The following EFNB2 variants were observed in gnomAD, a reference collection of about 807,000 sequenced individuals.
EFNB2 encodes the protein ephrin-B2.
A neutral mutation model predicts 32.1 loss-of-function variants in EFNB2; 5 were observed. That is an observed-to-expected ratio of 0.16 (90% CI 0.08 to 0.33). EFNB2 has a LOEUF of 0.33. Ranked by LOEUF, EFNB2 falls within the 10% of genes least tolerant of loss-of-function variation. The probability of loss-of-function intolerance (pLI) is 1.00; values close to 1 mark genes in which losing one functional copy is unlikely to be tolerated. For synonymous variants in EFNB2, 168 were observed against 166.5 expected (o/e 1.01, Z -0.07); for missense variants, 263 against 422.6 (o/e 0.62, Z 3.31).
intron 1 of EFNB2, among the ~76,000 whole-genome samples, chr13:106,527,678 G>A (rs900349707): frequency 1.3e-5 from 2 of 152,174 alleles, no homozygotes; most frequent in African/African-American, 4.8e-5. Flanking sequence ...AAATAGGTTC[G>A]CCTGGCATTC....
At chr13:106,529,566 A>T (rs1217928759) in intron 1 of EFNB2, among the ~76,000 whole-genome samples, 1 of 152,206 alleles carries the variant, frequency 6.6e-6, no homozygotes, top group Non-Finnish European at 1.5e-5. Flanking sequence ...CCAGTTTCCA[A>T]GTCTGTGTGG....
chr13:106,523,444 A>T (rs998043779), intron 1 of EFNB2, among the ~76,000 whole-genome samples: 2 of 152,222 alleles, frequency 1.3e-5, no homozygotes, highest in African/African-American at 4.8e-5. Context: ...TCAAACAAGC[A>T]GCTACTGAGA....
chr13:106,494,070 A>T (rs1423988954), intron 4 of EFNB2, among the ~76,000 whole-genome samples: 1 of 152,244 alleles, frequency 6.6e-6, no homozygotes, highest in Admixed American at 6.5e-5. Flanking sequence ...TGGCATCATT[A>T]TATTATCCAT....
chr13:106,533,862 G>A (rs1402299153), intron 1 of EFNB2, among the ~76,000 whole-genome samples: 1 of 152,148 alleles, frequency 6.6e-6, no homozygotes, highest in Non-Finnish European at 1.5e-5. Context: ...ACACAGTACT[G>A]AATACCCAGA....
chr13:106,522,305 G>T (rs1166533998), intron 1 of EFNB2, among the ~76,000 whole-genome samples: 5 of 152,192 alleles, frequency 3.3e-5, no homozygotes, highest in African/African-American at 2.4e-5. Context: ...ACTGTAATTT[G>T]TGTGCACCTG....
At chr13:106,503,494 C>G in intron 2 of EFNB2, among the ~76,000 whole-genome samples, 1 of 152,154 alleles carries the variant, frequency 6.6e-6, no homozygotes, top group Non-Finnish European at 1.5e-5. Flanking sequence ...CTATGAGGAA[C>G]AGCTGAGCCC....
intron 2 of EFNB2, among the ~76,000 whole-genome samples, chr13:106,503,472 G>T (rs912056301): frequency 4.6e-5 from 7 of 152,164 alleles, no homozygotes; most frequent in Non-Finnish European, 1.0e-4. Flanking sequence ...AATGTGGAGA[G>T]TCATTCCTTG....
chr13:106,500,044 G>A (rs1211923134), intron 2 of EFNB2, among the ~76,000 whole-genome samples: 3 of 152,126 alleles, frequency 2.0e-5, no homozygotes, highest in African/African-American at 7.2e-5. Flanking sequence ...CTTAGTCACT[G>A]GGAAGAGTAT....
chr13:106,534,687 C>A (rs1320669004), intron 1 of EFNB2, among the ~76,000 whole-genome samples, 156 bp downstream of exon 1: 1 of 151,398 alleles, frequency 6.6e-6, no homozygotes, highest in Admixed American at 6.6e-5. Flanking sequence ...CGAGGAGTCT[C>A]CACCTAGTGA....
At chr13:106,517,488 A>G (rs906646759) in intron 1 of EFNB2, 1 of 152,060 alleles carries the variant, frequency 6.6e-6, no homozygotes, top group African/African-American at 2.4e-5. Flanking sequence ...TCCATCCCTG[A>G]GCGAAGTCAG....
chr13:106,514,035 A>C (rs1178481218), intron 1 of EFNB2, among the ~76,000 whole-genome samples: 1 of 152,180 alleles, frequency 6.6e-6, no homozygotes, highest in Non-Finnish European at 1.5e-5. Flanking sequence ...GCAGCACAAA[A>C]CATAACAGAA....
intron 1 of EFNB2, among the ~76,000 whole-genome samples, chr13:106,525,086 G>C (rs1431819320): frequency 1.3e-5 from 2 of 152,212 alleles, no homozygotes; most frequent in African/African-American, 4.8e-5. Flanking sequence ...ACTGGTGTTT[G>C]ATTGATTGGT....
rs1168243842 is a variant in EFNB2 at position 106,489,872 on chromosome 13, AC to A, written c.*3167del. On this transcript the variant is annotated 3_prime_UTR_variant, in exon 5 of 5. Coordinates refer to ENST00000646441, the MANE Select transcript of EFNB2 (RefSeq NM_004093.4). ...AATGTGAAACTAAAGCAGATTTAAA[AC>A]CTATGACAGGCTATTAAAATAAAAC... The A allele has an allele frequency of 6.6e-6, 1 of 152,620 alleles. No homozygotes were observed. The highest frequency in any genetic ancestry group is 1.9e-4 in the East Asian group (1 of 5,194). The allele number at this position is 152,620 out of a possible 1,614,324, so 9.5% of individuals were successfully genotyped here. A position where few individuals can be genotyped will look rare whatever the true frequency, so the allele number is the denominator to read the frequency against.
chr13:106,515,225 A>C (rs929614827), intron 1 of EFNB2, among the ~76,000 whole-genome samples: 1 of 152,194 alleles, frequency 6.6e-6, no homozygotes, highest in Non-Finnish European at 1.5e-5. Flanking sequence ...GTTTGAGGCC[A>C]TATTTTCAGA....
chr13:106,522,796 C>T (rs1370055838), intron 1 of EFNB2, among the ~76,000 whole-genome samples: 2 of 152,138 alleles, frequency 1.3e-5, no homozygotes, highest in Non-Finnish European at 2.9e-5. Context: ...CGAGGGGCTG[C>T]CATTCCTGCT....
intron 1 of EFNB2, among the ~76,000 whole-genome samples, chr13:106,530,505 T>G (rs745885691): frequency 2.0e-5 from 3 of 152,214 alleles, no homozygotes; most frequent in Admixed American, 6.5e-5. Context: ...ATTAGGCTGA[T>G]AGGAGGACCA....
chr13:106,496,334 G>A (rs1184429296), intron 2 of EFNB2, among the ~76,000 whole-genome samples: 1 of 152,308 alleles, frequency 6.6e-6, no homozygotes, highest in South Asian at 2.1e-4. Flanking sequence ...TAGACCAGGA[G>A]CCTCCCACAA....
chr13:106,492,932 G>C lies in EFNB2; in HGVS notation c.*108C>G. 2 of 1,412,046 alleles carry C rather than the reference G, an allele frequency of 1.4e-6. No homozygotes were observed. The highest frequency in any genetic ancestry group is 1.9e-6 in the Non-Finnish European group (2 of 1,047,392). 87.5% of individuals were successfully genotyped at this position (1,412,046 alleles called of 1,614,324 possible). A position where few individuals can be genotyped will look rare whatever the true frequency, so the allele number is the denominator to read the frequency against. On this transcript the variant is annotated 3_prime_UTR_variant, in exon 5 of 5. Coordinates refer to ENST00000646441, the MANE Select transcript of EFNB2 (RefSeq NM_004093.4). The surrounding 1 kb of genome is among the most constrained non-coding windows in gnomAD (Gnocchi z 5.1). ...CGAGGAGGAGTGTCCCTCTCCCCCGGTGCTGTGCTTCAGTCAATTCTCCAG... is the reference window on the plus strand; with the variant it reads ...CGAGGAGGAGTGTCCCTCTCCCCCGCTGCTGTGCTTCAGTCAATTCTCCAG...
intron 1 of EFNB2, among the ~76,000 whole-genome samples, chr13:106,528,690 G>A (rs1285759832): frequency 6.6e-6 from 1 of 152,196 alleles, no homozygotes; most frequent in African/African-American, 2.4e-5. Flanking sequence ...CCCGATTGCG[G>A]ATGTCACTCT....
Sources: allele counts gnomAD v4.1 joint callset (sites outside exome capture counted in the v4.1 genomes callset), GRCh38; gene constraint gnomAD v4.1.1; non-coding constraint Gnocchi (gnomAD v3.1); transcripts MANE v1.5; gene names NCBI Gene and HGNC (gene_info 2026-07-23, HGNC 2026-07-21).